Variants in AHCYL1 observed in about 807,000 individuals in gnomAD.
AHCYL1 encodes the protein S-adenosylhomocysteine hydrolase-like protein 1.
AHCYL1 carries 20 observed loss-of-function variants against 79.3 expected under a neutral mutation model. The observed-to-expected ratio is 0.25, with a 90% CI of 0.18 to 0.37. AHCYL1 has a LOEUF of 0.37. Ranked by LOEUF, AHCYL1 falls within the 10% of genes least tolerant of loss-of-function variation. The probability of loss-of-function intolerance (pLI) is 1.00; values close to 1 mark genes in which losing one functional copy is unlikely to be tolerated. For synonymous variants in AHCYL1, 223 were observed against 242.2 expected (o/e 0.92, Z 0.74); for missense variants, 330 against 673.6 (o/e 0.49, Z 5.65).
At chr1:110,000,746 CT>C (rs113692663) in intron 1 of AHCYL1, among the ~76,000 whole-genome samples, 10,950 of 142,276 alleles carry the variant, frequency 0.077, 1,079 homozygotes, top group African/African-American at 0.23. Context: ...TGTTTTTGTT[CT>C]TTTTTTTTTT....
Position 110,023,057 on chromosome 1 carries a change from T to G in AHCYL1, c.*1377T>G, listed in dbSNP as rs1206413866. ...CTGCATGGTCAAGTGAGCTTTATGC[T>G]CATGAGCTTTAAGTATATAATTATC... On this transcript the variant is annotated 3_prime_UTR_variant, in exon 17 of 17. Transcript: ENST00000369799. 1 of 152,636 alleles carries G rather than the reference T, an allele frequency of 6.6e-6. No homozygotes were observed. Among genetic ancestry groups the G allele is most frequent in the African/African-American group, 2.4e-5 (1 of 41,456 alleles). The allele number at this position is 152,636 out of a possible 1,614,324, so 9.5% of individuals were successfully genotyped here.
intron 1 of AHCYL1, chr1:110,004,116 T>C (rs111226422): frequency 1.3e-5 from 13 of 985,484 alleles, no homozygotes; most frequent in African/African-American, 8.7e-5. Context: ...TGAGTCCTAC[T>C]TTGAAAGGAG....
chr1:110,004,102 T>C, intron 1 of AHCYL1: 2 of 985,514 alleles, frequency 2.0e-6, no homozygotes, highest in Non-Finnish European at 2.4e-6. Flanking sequence ...ACAGAAGATC[T>C]AGTTGAGTCC....
intron 1 of AHCYL1, chr1:109,985,461 C>A: frequency 8.9e-7 from 1 of 1,118,434 alleles, no homozygotes; most frequent in Admixed American, 4.8e-5. Context: ...GCCTCGAAGA[C>A]GAGAGTGGGA....
chr1:110,008,968 T>A, intron 1 of AHCYL1, 66 bp from the exon 2 acceptor site: 6 of 1,084,444 alleles, frequency 5.5e-6, no homozygotes, highest in Middle Eastern at 2.1e-4. Context: ...AATGTATCCT[T>A]AAAAAAAAAA....
At chr1:109,988,542 G>A (rs1649589243) in intron 1 of AHCYL1, among the ~76,000 whole-genome samples, 2 of 152,184 alleles carry the variant, frequency 1.3e-5, no homozygotes, top group Non-Finnish European at 2.9e-5. Context: ...AATTGACACT[G>A]TGTCAAGTTG....
chr1:109,993,278 T>C (rs1460844266), intron 1 of AHCYL1, among the ~76,000 whole-genome samples: 1 of 152,196 alleles, frequency 6.6e-6, no homozygotes, highest in East Asian at 1.9e-4. Flanking sequence ...TCTGTATGTC[T>C]CTCAAAAATA....
Position 109,984,832 on chromosome 1 carries a change from T to G in AHCYL1, c.-221T>G. The stretch of plus-strand genomic sequence containing the variant: ...GCAGGTCGGAGCTCGGAGCTGCTGT[T>G]CTGGTTCTCTTGTGGCCGCCGTCGC... On this transcript the variant is annotated 5_prime_UTR_variant, in exon 1 of 17. Coordinates refer to ENST00000369799, the MANE Select transcript of AHCYL1 (RefSeq NM_006621.7). 1 of 569,180 alleles carries G rather than the reference T, an allele frequency of 1.8e-6. No homozygotes were observed. Among genetic ancestry groups the G allele is most frequent in the Non-Finnish European group, 2.6e-6 (1 of 391,412 alleles). 35.3% of individuals were successfully genotyped at this position (569,180 alleles called of 1,614,324 possible). A position where few individuals can be genotyped will look rare whatever the true frequency, so the allele number is the denominator to read the frequency against.
At position 109,984,959 on chromosome 1, in the gene AHCYL1, CGTGTCG is replaced by C; in HGVS notation, c.-92_-87del. 7.4e-7 allele frequency: 1 copy of C among 1,355,194 alleles called. No individual in the cohort carries two copies. The highest frequency in any genetic ancestry group is 9.5e-7 in the Non-Finnish European group (1 of 1,056,120). The allele number at this position is 1,355,194 out of a possible 1,614,324, so 83.9% of individuals were successfully genotyped here. ...GGGCCGGCAGGAGGGTGGGCGATCG[CGTGTCG>C]GAGGGCGCCGCGCGGGCAGGCGGGC... On this transcript the variant is annotated 5_prime_UTR_variant, in exon 1 of 17. Coordinates refer to ENST00000369799, the MANE Select transcript of AHCYL1 (RefSeq NM_006621.7).
chr1:109,992,515 G>C lies in AHCYL1; in HGVS notation c.120+7343G>C, dbSNP rs564872515. 1.4e-3 allele frequency among the ~76,000 whole-genome samples: 216 copies of C among 152,084 alleles called. 1 individual carries two copies. The highest frequency in any genetic ancestry group is 4.4e-3 in the African/African-American group (181 of 41,512). On this transcript the variant is annotated intron_variant, in intron 1 of 16. Coordinates refer to ENST00000369799, the MANE Select transcript of AHCYL1 (RefSeq NM_006621.7). ...CAAAGACTTTAAGGAGAAGACTTCA[G>C]GTTCTCATGACTGTTAGCTTTATTT...
rs949538035 is a variant in AHCYL1 at position 110,021,656 on chromosome 1, C to A, written c.1587-18C>A. ...ATGGAAGACATAAGTGTTAACCAAT[C>A]ACTCTCTCTCTTTACAGATACTAAT... On this transcript the variant is annotated intron_variant, in intron 16 of 16. Coordinates refer to ENST00000369799, the MANE Select transcript of AHCYL1 (RefSeq NM_006621.7). 1.2e-6 allele frequency: 2 copies of A among 1,611,242 alleles called. No homozygotes were observed. Among genetic ancestry groups the A allele is most frequent in the African/African-American group, 1.3e-5 (1 of 74,910 alleles).
intron 11 of AHCYL1, 100 bp downstream of exon 11, chr1:110,018,116 A>C: frequency 7.8e-7 from 1 of 1,289,486 alleles, no homozygotes; most frequent in Middle Eastern, 2.0e-4. Flanking sequence ...GTTCAGTATA[A>C]AGGTCTCAGA....
chr1:109,994,811 T>C (rs1004316712), intron 1 of AHCYL1, among the ~76,000 whole-genome samples: 1 of 152,242 alleles, frequency 6.6e-6, no homozygotes, highest in Non-Finnish European at 1.5e-5. Context: ...AGCTGGCTTG[T>C]CATGCTGGAC....
chr1:110,018,173 A>C (rs1171900865), intron 11 of AHCYL1, among the ~76,000 whole-genome samples, 157 bp downstream of exon 11: 1 of 152,088 alleles, frequency 6.6e-6, no homozygotes, highest in African/African-American at 2.4e-5. Flanking sequence ...AGAGTAAAAA[A>C]CTTTTTTCCC....
intron 9 of AHCYL1, 39 bp downstream of exon 9, chr1:110,016,769 A>T (rs968682587): frequency 1.2e-6 from 2 of 1,611,780 alleles, no homozygotes. Flanking sequence ...CTTTTTGTGT[A>T]CTTATTAGAA....
chr1:110,013,117 A>C, intron 5 of AHCYL1, 118 bp downstream of exon 5: 2 of 700,584 alleles, frequency 2.9e-6, no homozygotes, highest in Non-Finnish European at 2.2e-6. Context: ...AAAATTGTGC[A>C]TGATAAAAAC....
intron 1 of AHCYL1, among the ~76,000 whole-genome samples, chr1:109,991,571 T>A (rs139496504): frequency 2.6e-5 from 4 of 152,202 alleles, no homozygotes; most frequent in African/African-American, 9.7e-5. Flanking sequence ...CAGGCTTACT[T>A]CTTCACAATT....
chr1:109,987,015 C>G (rs1649504009), intron 1 of AHCYL1, among the ~76,000 whole-genome samples: 1 of 152,162 alleles, frequency 6.6e-6, no homozygotes, highest in Non-Finnish European at 1.5e-5. Flanking sequence ...GCAGGCTCTG[C>G]CAGGAATGTG....
At chr1:109,986,711 A>G (rs1192049828) in intron 1 of AHCYL1, among the ~76,000 whole-genome samples, 3 of 152,240 alleles carry the variant, frequency 2.0e-5, no homozygotes, top group Admixed American at 1.3e-4. Flanking sequence ...TGTATTCTTG[A>G]AAGTACCACT....
Sources: allele counts gnomAD v4.1 joint callset (sites outside exome capture counted in the v4.1 genomes callset), GRCh38; gene constraint gnomAD v4.1.1; transcripts MANE v1.5; gene names NCBI Gene and HGNC (gene_info 2026-07-23, HGNC 2026-07-21).